ZDHHC21: variants seen among roughly 807,000 people sequenced by gnomAD.
ZDHHC21 encodes zDHHC palmitoyltransferase 21, also known as palmitoyltransferase ZDHHC21.
ZDHHC21 carries 15 observed loss-of-function variants against 34.6 expected under a neutral mutation model. The ratio of observed to expected loss-of-function variants is 0.43; its 90% CI spans 0.29 to 0.67. The LOEUF (loss-of-function observed/expected upper bound fraction) is 0.67. ZDHHC21 is among the 30% of genes least tolerant of loss of function. The pLI, the probability that ZDHHC21 is intolerant of heterozygous loss-of-function variation, is 0.14. For synonymous variants in ZDHHC21, 142 were observed against 101.8 expected (o/e 1.40, Z -2.38); for missense variants, 344 against 327.7 (o/e 1.05, Z -0.38).
At chr9:14,650,284 A>G (rs1478047841) in intron 7 of ZDHHC21, among the ~76,000 whole-genome samples, 2 of 152,010 alleles carry the variant, frequency 1.3e-5, no homozygotes, top group Non-Finnish European at 2.9e-5. Flanking sequence ...AATGTTACTA[A>G]GGAATATCTC....
At chr9:14,627,775 G>C (rs1826551947) in intron 8 of ZDHHC21, among the ~76,000 whole-genome samples, 1 of 152,166 alleles carries the variant, frequency 6.6e-6, no homozygotes, top group Non-Finnish European at 1.5e-5. Flanking sequence ...CCCAGTGACT[G>C]AGAACATGAC....
intron 7 of ZDHHC21, among the ~76,000 whole-genome samples, chr9:14,652,041 G>T (rs564181364): frequency 2.0e-5 from 3 of 151,844 alleles, no homozygotes; most frequent in Non-Finnish European, 4.4e-5. Context: ...TGCAAATGAT[G>T]CAAACTAATT....
chr9:14,603,891 C>T, the ZDHHC21 span, among the ~76,000 whole-genome samples: 2 of 152,060 alleles, frequency 1.3e-5, no homozygotes, highest in Admixed American at 6.6e-5. Flanking sequence ...TATTTATAGT[C>T]GTAGATGTTG....
chr9:14,673,367 T>C (rs1322624091), intron 4 of ZDHHC21, among the ~76,000 whole-genome samples: 2 of 152,080 alleles, frequency 1.3e-5, no homozygotes, highest in Non-Finnish European at 2.9e-5. Context: ...CAACTGTCCC[T>C]TTTGATGGAT....
chr9:14,619,700 T>C lies in ZDHHC21; in HGVS notation c.622-18A>G, dbSNP rs1824935997. On this transcript the variant is annotated intron_variant, in intron 8 of 9. Coordinates refer to ENST00000380916, the MANE Select transcript of ZDHHC21 (RefSeq NM_178566.6). ...GTTGTATCCTATTAAAAATAAAAAA[T>C]TATATTCAGATGTAAGAAAGTTATT... The C allele has an allele frequency of 7.0e-6, 9 of 1,291,846 alleles. No homozygotes were observed. Among genetic ancestry groups the C allele is most frequent in the Non-Finnish European group, 8.5e-6 (8 of 936,394 alleles). The allele number at this position is 1,291,846 out of a possible 1,614,324, so 80.0% of individuals were successfully genotyped here.
At chr9:14,591,803 T>C in the ZDHHC21 span, among the ~76,000 whole-genome samples, 3 of 152,176 alleles carry the variant, frequency 2.0e-5, no homozygotes, top group South Asian at 2.1e-4. Flanking sequence ...ATATCTCTTA[T>C]AAAATATTCT....
chr9:14,615,155 A>T lies in ZDHHC21; in HGVS notation c.*3811T>A, dbSNP rs1823950720. On this transcript the variant is annotated 3_prime_UTR_variant, in exon 10 of 10. Coordinates refer to ENST00000380916, the MANE Select transcript of ZDHHC21 (RefSeq NM_178566.6). ...CAGAAAATTGTGTAGCTATAATCTA[A>T]ATCAGTTCACACTTCCTGGTTTGAA... 1 of 151,696 alleles carries T rather than the reference A, an allele frequency of 6.6e-6. No individual in the cohort carries two copies. The highest frequency in any genetic ancestry group is 1.5e-5 in the Non-Finnish European group (1 of 67,698). The allele number at this position is 151,696 out of a possible 1,614,324, so 9.4% of individuals were successfully genotyped here.
At chr9:14,681,798 T>A (rs1837428365) in intron 2 of ZDHHC21, among the ~76,000 whole-genome samples, 1 of 151,066 alleles carries the variant, frequency 6.6e-6, no homozygotes, top group South Asian at 2.1e-4. Context: ...GGAGGCATAC[T>A]AAAAATGGGC....
rs541794912 is a variant in ZDHHC21 at position 14,615,680 on chromosome 9, C to T, written c.*3286G>A. Reference sequence around the variant, plus strand: ...AACTCAGTCCATTTTTGCCTACAATCTTAAGCCTACATGAAGCCCATAAAC... The same window carrying T: ...AACTCAGTCCATTTTTGCCTACAATTTTAAGCCTACATGAAGCCCATAAAC... On this transcript the variant is annotated 3_prime_UTR_variant, in exon 10 of 10. Coordinates refer to ENST00000380916, the MANE Select transcript of ZDHHC21 (RefSeq NM_178566.6). The T allele has an allele frequency of 6.6e-6, 1 of 151,692 alleles. No homozygotes were observed. Among genetic ancestry groups the T allele is most frequent in the Non-Finnish European group, 1.5e-5 (1 of 67,692 alleles). The allele number at this position is 151,692 out of a possible 1,614,324, so 9.4% of individuals were successfully genotyped here.
intron 7 of ZDHHC21, among the ~76,000 whole-genome samples, chr9:14,643,290 T>C (rs1829719633): frequency 6.6e-6 from 1 of 151,900 alleles, no homozygotes; most frequent in Non-Finnish European, 1.5e-5. Context: ...AAAGTAACAG[T>C]ATCCTCTCAA....
intron 5 of ZDHHC21, among the ~76,000 whole-genome samples, chr9:14,667,292 T>C (rs1394590877): frequency 3.4e-5 from 5 of 148,794 alleles, no homozygotes; most frequent in Non-Finnish European, 7.5e-5. Flanking sequence ...CTCCCAAGAC[T>C]AAACCAGGAA....
intron 5 of ZDHHC21, among the ~76,000 whole-genome samples, chr9:14,670,394 A>G (rs925974554): frequency 8.5e-5 from 13 of 152,130 alleles, no homozygotes; most frequent in Admixed American, 8.5e-4. Context: ...AATTTTTACA[A>G]TTTTAAATTA....
intron 5 of ZDHHC21, 65 bp from the exon 6 acceptor site, chr9:14,662,391 G>C (rs533182583): frequency 8.1e-7 from 1 of 1,234,968 alleles, no homozygotes; most frequent in Non-Finnish European, 1.1e-6. Context: ...TTTACCAACA[G>C]TTGTTTAGAA....
intron 8 of ZDHHC21, among the ~76,000 whole-genome samples, chr9:14,637,053 C>A (rs1309417837): frequency 6.6e-6 from 1 of 151,522 alleles, no homozygotes; most frequent in Non-Finnish European, 1.5e-5. Flanking sequence ...ATAATGAAGA[C>A]CAGATGAGAC....
chr9:14,597,577 G>A, the ZDHHC21 span, among the ~76,000 whole-genome samples: 1 of 152,114 alleles, frequency 6.6e-6, no homozygotes, highest in East Asian at 1.9e-4. Context: ...GCTTGCCCCA[G>A]TGCCACGCAG....
rs1002561659 is a variant in ZDHHC21 at position 14,641,351 on chromosome 9, C to G, written c.505-1339G>C. On this transcript the variant is annotated intron_variant, in intron 7 of 9. Coordinates refer to ENST00000380916, the MANE Select transcript of ZDHHC21 (RefSeq NM_178566.6). ...GTAAAAAGAACCCAATATAGAATCC[C>G]TATAAAACATATAAAACCAAAATGA... 2.6e-5 allele frequency among the ~76,000 whole-genome samples: 4 copies of G among 152,068 alleles called. No individual in the cohort carries two copies. In the East Asian group the frequency reaches 7.7e-4, roughly 29 times the overall value.
intron 8 of ZDHHC21, among the ~76,000 whole-genome samples, chr9:14,625,602 T>C (rs1404896671): frequency 1.3e-5 from 2 of 151,930 alleles, no homozygotes; most frequent in African/African-American, 2.4e-5. Context: ...CCCTTATAAC[T>C]CCTCAATAAA....
intron 3 of ZDHHC21, among the ~76,000 whole-genome samples, chr9:14,675,264 T>A (rs1222213360): frequency 6.6e-6 from 1 of 151,874 alleles, no homozygotes; most frequent in Non-Finnish European, 1.5e-5. Flanking sequence ...TTGGTAGATA[T>A]AACTTCCAAG....
At chr9:14,591,264 G>A in the ZDHHC21 span, among the ~76,000 whole-genome samples, 2 of 152,124 alleles carry the variant, frequency 1.3e-5, no homozygotes, top group East Asian at 3.9e-4. Context: ...TAACATAATG[G>A]TATTAAGAGG....
Sources: gnomAD v4.1 joint callset for allele counts (sites outside exome capture counted in the v4.1 genomes callset) on GRCh38, gnomAD v4.1.1 for gene constraint, MANE v1.5 for transcripts, NCBI Gene and HGNC (gene_info 2026-07-23, HGNC 2026-07-21) for gene names.